TMEM232: variants seen among roughly 807,000 people sequenced by gnomAD.
TMEM232 encodes the protein transmembrane protein 232.
A neutral mutation model predicts 78.8 loss-of-function variants in TMEM232; 80 were observed. The ratio of observed to expected loss-of-function variants is 1.01; its 90% CI spans 0.85 to 1.22. TMEM232 has a LOEUF of 1.22. TMEM232 is among the 50% of genes most tolerant of loss of function. The pLI is 0.00. For missense variants in TMEM232, 881 were observed against 742.2 expected, an observed-to-expected ratio of 1.19 and a Z score of -2.17; for synonymous variants, 297 against 254.3, an observed-to-expected ratio of 1.17 and a Z score of -1.60.
intron 1 of TMEM232, among the ~76,000 whole-genome samples, chr5:110,688,776 C>G (rs1218449206): frequency 1.3e-5 from 2 of 152,194 alleles, no homozygotes; most frequent in African/African-American, 4.8e-5. Context: ...ACAAACCTGC[C>G]TCCACCTTTT....
chr5:110,499,541 C>A lies in TMEM232; in HGVS notation c.1703+29047G>T, dbSNP rs183215095. ...AAAGTGCCAGGATTACAGGCATGAG[C>A]CATCACGCCTGGCCAAGAGATACAT... is the stretch of plus-strand genomic sequence containing the variant. On this transcript the variant is annotated intron_variant, in intron 12 of 13. Transcript: ENST00000455884. Among the ~76,000 whole-genome samples, 7 of 151,912 alleles carry A rather than the reference C, an allele frequency of 4.6e-5. No homozygotes were observed. The East Asian group carries it at 1.4e-3, about 29-fold the overall frequency.
At chr5:110,455,380 C>CTT (rs567534953) in intron 12 of TMEM232, among the ~76,000 whole-genome samples, 13 of 142,926 alleles carry the variant, frequency 9.1e-5, no homozygotes, top group African/African-American at 1.3e-4. Flanking sequence ...TAGATATAAA[C>CTT]TTTTTTTTTT....
At chr5:110,509,092 T>TAC (rs1235712150) in intron 12 of TMEM232, among the ~76,000 whole-genome samples, 10 of 148,226 alleles carry the variant, frequency 6.7e-5, no homozygotes, top group Non-Finnish European at 1.3e-4. Flanking sequence ...TATATATGTA[T>TAC]ACACACACAT....
chr5:110,543,946 A>C (rs1023060053), intron 11 of TMEM232, among the ~76,000 whole-genome samples: 1 of 152,198 alleles, frequency 6.6e-6, no homozygotes, highest in Non-Finnish European at 1.5e-5. Context: ...CTTGAATGCC[A>C]TCTATGCATA....
chr5:110,640,478 T>C (rs1786523304), intron 4 of TMEM232, among the ~76,000 whole-genome samples: 1 of 152,106 alleles, frequency 6.6e-6, no homozygotes, highest in African/African-American at 2.4e-5. Flanking sequence ...GAAAAGGTAA[T>C]GAGTAAAGCT....
chr5:110,534,076 C>G (rs536733641), intron 11 of TMEM232, among the ~76,000 whole-genome samples: 1 of 152,158 alleles, frequency 6.6e-6, no homozygotes, highest in Non-Finnish European at 1.5e-5. Flanking sequence ...TCAACATGCC[C>G]CAAGTCAGGA....
At chr5:110,434,310 C>CA (rs1758176083) in intron 12 of TMEM232, among the ~76,000 whole-genome samples, 1 of 151,098 alleles carries the variant, frequency 6.6e-6, no homozygotes, top group African/African-American at 2.4e-5. Context: ...CACAGAAACA[C>CA]AAAAATGCTT....
intron 2 of TMEM232, among the ~76,000 whole-genome samples, chr5:110,656,181 G>A (rs915923150): frequency 1.3e-5 from 2 of 152,168 alleles, no homozygotes; most frequent in African/African-American, 2.4e-5. Context: ...ATTTCAGAAA[G>A]CTGCATGTTC....
intron 11 of TMEM232, among the ~76,000 whole-genome samples, chr5:110,560,793 G>C (rs1161063370): frequency 6.6e-6 from 1 of 152,148 alleles, no homozygotes; most frequent in African/African-American, 2.4e-5. Context: ...GCTGAGCCCA[G>C]ATCTACAGTC....
In TMEM232 at chr5:110,419,757, G is replaced by A. The variant is rs1296373791; in HGVS notation, c.*823C>T. Among the ~76,000 whole-genome samples the A allele has an allele frequency of 1.3e-5, 2 of 152,096 alleles. No individual in the cohort carries two copies. The highest frequency in any genetic ancestry group is 2.9e-5 in the Non-Finnish European group (2 of 67,970). On this transcript the variant is annotated 3_prime_UTR_variant, in exon 14 of 14. Coordinates refer to ENST00000455884, the MANE Select transcript of TMEM232 (RefSeq NM_001039763.4). ...AGTCATCTGTGTGAAATCGAGGTAT[G>A]AGTATTATCTATATTTTTCAGTTTT...
At chr5:110,543,649 A>G (rs1773434172) in intron 11 of TMEM232, among the ~76,000 whole-genome samples, 1 of 152,116 alleles carries the variant, frequency 6.6e-6, no homozygotes, top group Non-Finnish European at 1.5e-5. Context: ...GCAGATCATA[A>G]AGGATGATCT....
intron 13 of TMEM232, among the ~76,000 whole-genome samples, chr5:110,422,224 A>C (rs566403815): frequency 6.6e-6 from 1 of 152,114 alleles, no homozygotes; most frequent in Non-Finnish European, 1.5e-5. Flanking sequence ...ATTTCGATAG[A>C]TCTCATTATT....
chr5:110,507,895 G>A (rs1323446179), intron 12 of TMEM232, among the ~76,000 whole-genome samples: 1 of 152,120 alleles, frequency 6.6e-6, no homozygotes, highest in Non-Finnish European at 1.5e-5. Flanking sequence ...AGCAAGAAAA[G>A]AGGCAAAGAA....
At chr5:110,507,576 G>T (rs989915815) in intron 12 of TMEM232, among the ~76,000 whole-genome samples, 4 of 152,212 alleles carry the variant, frequency 2.6e-5, no homozygotes, top group African/African-American at 9.6e-5. Context: ...TCAGAGTGGA[G>T]TTAATTGCCC....
intron 12 of TMEM232, among the ~76,000 whole-genome samples, chr5:110,483,055 C>T (rs1401660536): frequency 6.6e-6 from 1 of 152,054 alleles, no homozygotes; most frequent in Non-Finnish European, 1.5e-5. Flanking sequence ...GTTGATAATA[C>T]CTTTTTTTTC....
intron 8 of TMEM232, 91 bp downstream of exon 8, chr5:110,618,338 G>A (rs1313634812): frequency 3.1e-5 from 45 of 1,461,034 alleles, no homozygotes; most frequent in Non-Finnish European, 4.1e-5. Context: ...GTCAACTGAG[G>A]TGTGATTAAC....
At chr5:110,621,622 T>C (rs888149652) in intron 7 of TMEM232, among the ~76,000 whole-genome samples, 1 of 152,152 alleles carries the variant, frequency 6.6e-6, no homozygotes, top group East Asian at 1.9e-4. Flanking sequence ...TTACCACAGA[T>C]AGTTTGAAAA....
intron 12 of TMEM232, among the ~76,000 whole-genome samples, chr5:110,471,369 T>A (rs1762662809): frequency 6.6e-6 from 1 of 151,908 alleles, no homozygotes; most frequent in Admixed American, 6.6e-5. Context: ...ACTTCCCAAG[T>A]GTTTGAAGAG....
At chr5:110,536,832 G>C (rs1772421394) in intron 11 of TMEM232, among the ~76,000 whole-genome samples, 1 of 152,162 alleles carries the variant, frequency 6.6e-6, no homozygotes, top group Admixed American at 6.5e-5. Flanking sequence ...AATTTATGCA[G>C]GAACTGATGT....
Sources: gnomAD v4.1 joint callset for allele counts (sites outside exome capture counted in the v4.1 genomes callset) on GRCh38, gnomAD v4.1.1 for gene constraint, MANE v1.5 for transcripts, NCBI Gene and HGNC (gene_info 2026-07-23, HGNC 2026-07-21) for gene names.